Variants in SPAG16 observed in about 807,000 individuals in gnomAD.
SPAG16 encodes the protein sperm-associated antigen 16 protein.
SPAG16 carries 86 observed loss-of-function variants against 80.4 expected under a neutral mutation model. The observed-to-expected ratio is 1.07, with a 90% confidence interval of 0.90 to 1.28. The LOEUF is 1.28. Among genes scored for constraint, SPAG16 ranks in the 50% most tolerant of loss-of-function variants. The probability of loss-of-function intolerance (pLI) is 0.00; values close to 1 mark genes in which losing one functional copy is unlikely to be tolerated. For synonymous variants in SPAG16, 294 were observed against 265.9 expected (o/e 1.11, Z -1.03); for missense variants, 870 against 765.3 (o/e 1.14, Z -1.61).
At chr2:213,821,519 A>T (rs2072933193) in intron 10 of SPAG16, among the ~76,000 whole-genome samples, 2 of 152,158 alleles carry the variant, frequency 1.3e-5, no homozygotes, top group Admixed American at 1.3e-4. Context: ...TAAATGGGGT[A>T]TCCATTCTTT....
At chr2:213,927,658 C>A (rs1221359115) in intron 11 of SPAG16, among the ~76,000 whole-genome samples, 2 of 152,140 alleles carry the variant, frequency 1.3e-5, no homozygotes, top group Admixed American at 6.6e-5. Context: ...ACAGCACTCA[C>A]AAAGAAATAA....
Position 213,475,813 on chromosome 2 carries a change from G to A in SPAG16, c.943-14150G>A, listed in dbSNP as rs2073342726. ...ATAGATCCTTCTCAAACAAAGGAAA[G>A]AAAAGGAACCCTGAGAACTGGGGAC... On this transcript the variant is annotated intron_variant, in intron 9 of 15. Transcript: ENST00000331683. 1.3e-5 allele frequency among the ~76,000 whole-genome samples: 2 copies of A among 152,182 alleles called. 1 individual carries two copies. Among genetic ancestry groups the A allele is most frequent in the South Asian group, 4.1e-4 (2 of 4,832 alleles).
intron 10 of SPAG16, among the ~76,000 whole-genome samples, chr2:213,656,227 G>A (rs751666066): frequency 2.6e-5 from 4 of 152,236 alleles, no homozygotes; most frequent in Non-Finnish European, 4.4e-5. Context: ...ACGGAGTCTC[G>A]CTCTGTCGCC....
chr2:214,098,033 A>G (rs2052726163), intron 13 of SPAG16, among the ~76,000 whole-genome samples: 1 of 152,082 alleles, frequency 6.6e-6, no homozygotes, highest in Admixed American at 6.6e-5. Context: ...TTCGCTCCAG[A>G]CACTGTGCTT....
chr2:213,956,323 T>C (rs966998728), intron 12 of SPAG16, among the ~76,000 whole-genome samples: 2 of 152,124 alleles, frequency 1.3e-5, no homozygotes, highest in African/African-American at 4.8e-5. Flanking sequence ...CTGTATTATT[T>C]CTTTCCTTCT....
chr2:214,122,814 C>A (rs1273641605), intron 14 of SPAG16, among the ~76,000 whole-genome samples: 3 of 151,810 alleles, frequency 2.0e-5, no homozygotes, highest in Non-Finnish European at 4.4e-5. Context: ...TGGTGAAAAA[C>A]ACTAAAGCAG....
intron 9 of SPAG16, among the ~76,000 whole-genome samples, chr2:213,446,310 AAAG>A (rs1414500525): frequency 3.9e-5 from 6 of 152,350 alleles, no homozygotes; most frequent in East Asian, 1.9e-4. Flanking sequence ...TCATCAAGAT[AAAG>A]AAGAAGGTTG....
intron 10 of SPAG16, among the ~76,000 whole-genome samples, chr2:213,608,602 T>C (rs1390429625): frequency 6.6e-6 from 1 of 152,246 alleles, no homozygotes; most frequent in Non-Finnish European, 1.5e-5. Context: ...GTTCCAAGTC[T>C]TTGCTATTGT....
intron 15 of SPAG16, among the ~76,000 whole-genome samples, chr2:214,390,619 G>A (rs969807681): frequency 4.6e-5 from 7 of 152,128 alleles, no homozygotes; most frequent in Non-Finnish European, 1.0e-4. Flanking sequence ...TAGAACCATA[G>A]TGGAGCATTC....
At position 214,083,939 on chromosome 2, in the gene SPAG16, T is replaced by C. The variant is rs111667761; in HGVS notation, c.1528-24257T>C. Among the ~76,000 whole-genome samples the C allele has an allele frequency of 2.5e-3, 381 of 152,310 alleles. 2 individuals carry two copies. Among genetic ancestry groups the C allele is most frequent in the Non-Finnish European group, 4.2e-3 (288 of 68,016 alleles). On this transcript the variant is annotated intron_variant, in intron 13 of 15. Coordinates refer to ENST00000331683, the MANE Select transcript of SPAG16 (RefSeq NM_024532.5). ...ATTCCTAGTGTATGCTTACTATTGA[T>C]GTCCTTCCTCATAGCAATTCCTACC... is the stretch of plus-strand genomic sequence containing the variant.
At chr2:214,067,373 AG>A (rs2050578912) in intron 13 of SPAG16, among the ~76,000 whole-genome samples, 1 of 152,166 alleles carries the variant, frequency 6.6e-6, no homozygotes, top group African/African-American at 2.4e-5. Flanking sequence ...ATAGAAATGG[AG>A]GTTTTAATAG....
rs1196758073 is a variant in SPAG16 at position 213,867,928 on chromosome 2, A to AC, written c.1214+5300_1214+5301insC. The stretch of plus-strand genomic sequence containing the variant: ...GACAGAGCAAGACTCTGTCTCAACA[A>AC]AAAAAAAAAAAAAAAAAAAAAAGAT... On this transcript the variant is annotated intron_variant, in intron 11 of 15. Coordinates refer to ENST00000331683, the MANE Select transcript of SPAG16 (RefSeq NM_024532.5). Among the ~76,000 whole-genome samples, 3 of 76,530 alleles carry AC rather than the reference A, an allele frequency of 3.9e-5. No homozygotes were observed. In the East Asian group the frequency reaches 1.7e-3, roughly 43 times the overall value. 50.2% of individuals were successfully genotyped at this position (76,530 alleles called of 152,430 possible).
At chr2:213,451,955 A>ACTCC (rs1199786062) in intron 9 of SPAG16, among the ~76,000 whole-genome samples, 28 of 73,654 alleles carry the variant, frequency 3.8e-4, no homozygotes, top group African/African-American at 1.6e-3. Flanking sequence ...ATCTCACCCC[A>ACTCC]CTCCCTCCCT....
chr2:214,148,673 TAAC>T (rs1476620280), intron 14 of SPAG16, among the ~76,000 whole-genome samples: 24 of 330 alleles, frequency 0.073, no homozygotes, highest in Non-Finnish European at 0.24. Context: ...TTATCAATGC[TAAC>T]TAACTGTGAG....
At chr2:213,782,198 A>G (rs1471643213) in intron 10 of SPAG16, among the ~76,000 whole-genome samples, 2 of 151,810 alleles carry the variant, frequency 1.3e-5, no homozygotes, top group African/African-American at 4.8e-5. Flanking sequence ...TTTTTAAATA[A>G]TAAAAAAAGG....
At chr2:213,945,301 A>G (rs1460756551) in intron 12 of SPAG16, among the ~76,000 whole-genome samples, 1 of 146,186 alleles carries the variant, frequency 6.8e-6, no homozygotes, top group African/African-American at 2.5e-5. Flanking sequence ...ATATATATAC[A>G]CAAGTATATA....
intron 15 of SPAG16, among the ~76,000 whole-genome samples, chr2:214,319,200 CCACACACACA>C (rs61711759): frequency 7.0e-6 from 1 of 142,240 alleles, no homozygotes; most frequent in African/African-American, 2.6e-5. Flanking sequence ...CACACACACA[CCACACACACA>C]CACACACACA....
chr2:214,339,140 T>C (rs1411142761), intron 15 of SPAG16, among the ~76,000 whole-genome samples: 1 of 152,174 alleles, frequency 6.6e-6, no homozygotes, highest in African/African-American at 2.4e-5. Flanking sequence ...TTAAGTAAGG[T>C]GCTATTTAGA....
chr2:213,685,378 T>A (rs942193560), intron 10 of SPAG16, among the ~76,000 whole-genome samples: 1 of 152,136 alleles, frequency 6.6e-6, no homozygotes, highest in Admixed American at 6.5e-5. Flanking sequence ...AAGGACATAT[T>A]CAAGCCAGGG....
Sources: gnomAD v4.1 joint callset for allele counts (sites outside exome capture counted in the v4.1 genomes callset) on GRCh38, gnomAD v4.1.1 for gene constraint, MANE v1.5 for transcripts, NCBI Gene and HGNC (gene_info 2026-07-23, HGNC 2026-07-21) for gene names.